The following KCNQ1 variants were observed in gnomAD, a reference collection of about 807,000 sequenced individuals.
KCNQ1 encodes potassium voltage-gated channel subfamily KQT member 1.
KCNQ1 carries 49 observed loss-of-function variants against 72.4 expected under a neutral mutation model. The ratio of observed to expected loss-of-function variants is 0.68; its 90% CI spans 0.54 to 0.86. The LOEUF (loss-of-function observed/expected upper bound fraction) is 0.86, where lower values mean the gene tolerates loss of function less well. Ranked by LOEUF, KCNQ1 falls within the 40% of genes least tolerant of loss-of-function variation. KCNQ1 has a pLI of 0.00. For synonymous variants in KCNQ1, 450 were observed against 412.6 expected (o/e 1.09, Z -1.10); for missense variants, 790 against 945.1 (o/e 0.84, Z 2.15).
Position 2,797,105 on chromosome 11 carries a change from C to T in KCNQ1, c.1794+19068C>T, listed in dbSNP as rs898838448. 5.3e-5 allele frequency among the ~76,000 whole-genome samples: 8 copies of T among 152,312 alleles called. No individual in the cohort carries two copies. In the East Asian group the frequency reaches 1.4e-3, roughly 26 times the overall value. On this transcript the variant is annotated intron_variant, in intron 15 of 15. Coordinates refer to ENST00000155840, the MANE Select transcript of KCNQ1 (RefSeq NM_000218.3). ...CTCACCTGGGCTGTCTCCAGCACCC[C>T]AGGATTTACGAGGACTCGGCCCAGA...
At chr11:2,799,229 G>A (rs1290404582) in intron 15 of KCNQ1, among the ~76,000 whole-genome samples, 1 of 152,246 alleles carries the variant, frequency 6.6e-6, no homozygotes, top group Non-Finnish European at 1.5e-5. Context: ...GCAGGCAGGG[G>A]CCGGACCACG....
At chr11:2,551,496 C>T (rs758959346) in intron 2 of KCNQ1, among the ~76,000 whole-genome samples, 1 of 152,248 alleles carries the variant, frequency 6.6e-6, no homozygotes, top group Non-Finnish European at 1.5e-5. Context: ...TTTATCCATT[C>T]ACAGGCTGAT....
intron 6 of KCNQ1, 27 bp from the exon 7 acceptor site, chr11:2,583,408 G>A: frequency 6.5e-7 from 1 of 1,534,876 alleles, no homozygotes; most frequent in Non-Finnish European, 9.0e-7. Flanking sequence ...TCCCATCCGT[G>A]GCTGACCACT....
intron 11 of KCNQ1, chr11:2,692,029 G>T: frequency 2.5e-6 from 1 of 398,556 alleles, no homozygotes. Context: ...CACCTGTGAG[G>T]CCCTGACCCC....
At chr11:2,699,291 C>T (rs1850731333) in intron 11 of KCNQ1, 6 of 398,874 alleles carry the variant, frequency 1.5e-5, no homozygotes, top group Non-Finnish European at 2.2e-5. Flanking sequence ...ACTGCTGACG[C>T]CTGTGATCTG....
intron 1 of KCNQ1, among the ~76,000 whole-genome samples, chr11:2,456,935 T>C (rs1422742744): frequency 2.1e-5 from 2 of 94,158 alleles, no homozygotes; most frequent in Admixed American, 1.3e-4. Context: ...CAAGACTCGG[T>C]CTCAAAAAAA....
rs898894526 is a variant in KCNQ1, at chr11:2,785,952, AT to A, written c.1794+7919del. On this transcript the variant is annotated intron_variant, in intron 15 of 15. Coordinates refer to ENST00000155840, the MANE Select transcript of KCNQ1 (RefSeq NM_000218.3). This position sits in a 1 kb window ranked among gnomAD's most constrained non-coding sequence, Gnocchi z 4.4. ...CTGACTTAGTACTTTGCTGTTGTAT[AT>A]TTTAGTTGAACTGTGTTTAATTTTT... Among the ~76,000 whole-genome samples, 82 of 152,190 alleles carry A rather than the reference AT, an allele frequency of 5.4e-4. No homozygotes were observed. Among genetic ancestry groups the A allele is most frequent in the African/African-American group, 1.9e-3 (81 of 41,552 alleles).
intron 11 of KCNQ1, chr11:2,693,265 A>G: frequency 5.0e-6 from 2 of 398,738 alleles, no homozygotes; most frequent in Non-Finnish European, 4.4e-6. Context: ...ACCAGGCTTA[A>G]CAACTCAGAT....
intron 11 of KCNQ1, chr11:2,684,198 C>G: frequency 2.5e-6 from 1 of 398,658 alleles, no homozygotes; most frequent in Non-Finnish European, 4.4e-6. Context: ...TGGTCAGACT[C>G]TGCCAGGAGA....
At chr11:2,732,531 G>A (rs1433676267) in intron 11 of KCNQ1, among the ~76,000 whole-genome samples, 2 of 152,194 alleles carry the variant, frequency 1.3e-5, no homozygotes, top group African/African-American at 4.8e-5. Flanking sequence ...TGATGTGGAT[G>A]CAGCCGGGCA....
At position 2,805,559 on chromosome 11, in the gene KCNQ1, G is replaced by A. The variant is rs74548118; in HGVS notation, c.1794+27522G>A. Reference sequence around the variant, plus strand: ...TAAAGTTTTAATAGCACATAGCCACGCCCACCGGTGGACACATCGTCCCTG... The same window carrying A: ...TAAAGTTTTAATAGCACATAGCCACACCCACCGGTGGACACATCGTCCCTG... On this transcript the variant is annotated intron_variant, in intron 15 of 15. Transcript: ENST00000155840. 6.4e-3 allele frequency among the ~76,000 whole-genome samples: 970 copies of A among 152,242 alleles called. 12 individuals carry two copies. The highest frequency in any genetic ancestry group is 0.022 in the African/African-American group (913 of 41,528).
At chr11:2,570,784 GC>G in intron 3 of KCNQ1, 30 bp downstream of exon 3, 2 of 1,606,892 alleles carry the variant, frequency 1.2e-6, no homozygotes, top group Non-Finnish European at 8.5e-7. Context: ...TGGAGGTCAC[GC>G]CCAGGTTTCC....
intron 15 of KCNQ1, among the ~76,000 whole-genome samples, chr11:2,804,862 C>T (rs1314666941): frequency 2.6e-5 from 4 of 152,188 alleles, no homozygotes; most frequent in African/African-American, 7.2e-5. Context: ...GACTGAGGCA[C>T]GGGCCCACAG....
Position 2,670,022 on chromosome 11 carries a change from G to A in KCNQ1, c.1514+7941G>A. On this transcript the variant is annotated intron_variant, in intron 11 of 15. Coordinates refer to ENST00000155840, the MANE Select transcript of KCNQ1 (RefSeq NM_000218.3). This position sits in a 1 kb window ranked among gnomAD's most constrained non-coding sequence, Gnocchi z 4.9. ...GGTTCAGGAGCTGTTGGGGTCCCGT[G>A]GAGGTACAGGCGGAAACCTAGCACT... 5.0e-6 allele frequency: 2 copies of A among 398,646 alleles called. No individual in the cohort carries two copies. Among genetic ancestry groups the A allele is most frequent in the Non-Finnish European group, 8.8e-6 (2 of 226,102 alleles). 24.7% of individuals were successfully genotyped at this position (398,646 alleles called of 1,614,324 possible). A position where few individuals can be genotyped will look rare whatever the true frequency, so the allele number is the denominator to read the frequency against.
intron 11 of KCNQ1, among the ~76,000 whole-genome samples, chr11:2,728,564 C>T (rs1178850022): frequency 6.6e-6 from 1 of 152,254 alleles, no homozygotes; most frequent in Non-Finnish European, 1.5e-5. Context: ...AACACTCTGG[C>T]ACAGCCCACC....
chr11:2,474,116 C>T (rs1846534710), intron 1 of KCNQ1, among the ~76,000 whole-genome samples: 2 of 151,982 alleles, frequency 1.3e-5, no homozygotes, highest in Non-Finnish European at 2.9e-5. Flanking sequence ...TCTTTCGAAA[C>T]AGGCTTTCCT....
intron 1 of KCNQ1, among the ~76,000 whole-genome samples, chr11:2,512,377 A>T (rs1421293362): frequency 6.6e-6 from 1 of 152,078 alleles, no homozygotes; most frequent in African/African-American, 2.4e-5. Context: ...AGCCAGGAGA[A>T]CTGTCTGTCT....
chr11:2,672,783 A>C, intron 11 of KCNQ1: 1 of 398,782 alleles, frequency 2.5e-6, no homozygotes, highest in Non-Finnish European at 4.4e-6. Flanking sequence ...CCCGCAACAG[A>C]TCCAACCAGT....
chr11:2,681,882 T>C (rs1030181992), intron 11 of KCNQ1: 1 of 398,380 alleles, frequency 2.5e-6, no homozygotes, highest in Non-Finnish European at 4.4e-6. Context: ...ACCATCTAGG[T>C]GGGGAGAAAA....
Sources: gnomAD v4.1 joint callset for allele counts (sites outside exome capture counted in the v4.1 genomes callset) on GRCh38, gnomAD v4.1.1 for gene constraint, Gnocchi (gnomAD v3.1) non-coding constraint, MANE v1.5 for transcripts, NCBI Gene and HGNC (gene_info 2026-07-23, HGNC 2026-07-21) for gene names.